KIAA1328: variants seen among roughly 807,000 people sequenced by gnomAD.
KIAA1328 encodes the protein KIAA1328, also known as protein hinderin.
A neutral mutation model predicts 68.1 loss-of-function variants in KIAA1328; 52 were observed. That is an observed-to-expected ratio of 0.76 (90% CI 0.61 to 0.96). KIAA1328 has a LOEUF of 0.96. Among genes scored for constraint, KIAA1328 ranks in the 40% least tolerant of loss-of-function variants. The pLI, the probability that KIAA1328 is intolerant of heterozygous loss-of-function variation, is 0.00. For missense variants in KIAA1328, 641 were observed against 677.6 expected (o/e 0.95, Z 0.60); for synonymous variants, 232 against 239.4 (o/e 0.97, Z 0.28).
At chr18:37,194,966 C>CT (rs2059976189) in intron 9 of KIAA1328, among the ~76,000 whole-genome samples, 1 of 152,092 alleles carries the variant, frequency 6.6e-6, no homozygotes, top group Non-Finnish European at 1.5e-5. Context: ...CCTATGGTTG[C>CT]TTTTTTATTG....
intron 8 of KIAA1328, among the ~76,000 whole-genome samples, 171 bp downstream of exon 8, chr18:37,160,552 C>T (rs2059256919): frequency 6.6e-6 from 1 of 152,162 alleles, no homozygotes; most frequent in African/African-American, 2.4e-5. Context: ...TGAATTGTGT[C>T]TGTGTTTTTC....
At chr18:36,905,406 C>T (rs1343139950) in intron 5 of KIAA1328, among the ~76,000 whole-genome samples, 1 of 152,038 alleles carries the variant, frequency 6.6e-6, no homozygotes, top group African/African-American at 2.4e-5. Context: ...CCCACCATGC[C>T]TGGCCTTGTA....
chr18:37,189,754 G>A (rs2059870373), intron 9 of KIAA1328, among the ~76,000 whole-genome samples: 2 of 152,110 alleles, frequency 1.3e-5, no homozygotes, highest in South Asian at 4.1e-4. Flanking sequence ...TCAAGAATCT[G>A]TTTGCTAATG....
intron 6 of KIAA1328, among the ~76,000 whole-genome samples, chr18:37,023,629 A>T (rs1396997830): frequency 1.3e-5 from 2 of 152,094 alleles, no homozygotes; most frequent in Admixed American, 6.6e-5. Context: ...TTTTTGTTTT[A>T]TTCACATCTG....
intron 6 of KIAA1328, among the ~76,000 whole-genome samples, chr18:37,038,857 T>A (rs1489636213): frequency 1.3e-5 from 2 of 152,200 alleles, no homozygotes; most frequent in East Asian, 1.9e-4. Context: ...GCAGGTTTTT[T>A]ATAGATTATC....
intron 5 of KIAA1328, among the ~76,000 whole-genome samples, chr18:36,937,199 A>G (rs2050533043): frequency 6.6e-6 from 1 of 152,214 alleles, no homozygotes; most frequent in African/African-American, 2.4e-5. Context: ...CACCCTATAC[A>G]AAAATTAACT....
chr18:37,103,029 T>C (rs958925582), intron 7 of KIAA1328, among the ~76,000 whole-genome samples: 2 of 152,098 alleles, frequency 1.3e-5, no homozygotes, highest in Non-Finnish European at 2.9e-5. Context: ...CTGAAAGAAA[T>C]TGAGAAGAAC....
intron 5 of KIAA1328, among the ~76,000 whole-genome samples, chr18:36,910,080 A>C (rs1201990926): frequency 6.6e-6 from 1 of 151,846 alleles, no homozygotes; most frequent in Admixed American, 6.6e-5. Flanking sequence ...TTGCCTGTTC[A>C]CTCTGATGGT....
intron 6 of KIAA1328, among the ~76,000 whole-genome samples, chr18:37,022,061 A>C: frequency 6.6e-6 from 1 of 151,426 alleles, no homozygotes; most frequent in East Asian, 2.0e-4. Flanking sequence ...AATTAATTAA[A>C]ATAAAATAAA....
At chr18:36,853,823 T>C (rs551685823) in intron 4 of KIAA1328, among the ~76,000 whole-genome samples, 5 of 151,952 alleles carry the variant, frequency 3.3e-5, no homozygotes, top group African/African-American at 4.8e-5. Context: ...GCCCAGCTAA[T>C]TTTTTTGTAT....
At chr18:36,840,800 TATCCTTAATTCATTAAGG>T (rs1388256213) in intron 3 of KIAA1328, among the ~76,000 whole-genome samples, 1 of 152,148 alleles carries the variant, frequency 6.6e-6, no homozygotes, top group African/African-American at 2.4e-5. Flanking sequence ...TGATGTTGAG[TATCCTTAATTCATTAAGG>T]ATTTCACAGT....
chr18:37,096,690 A>G (rs2057419245), intron 7 of KIAA1328, among the ~76,000 whole-genome samples: 1 of 152,224 alleles, frequency 6.6e-6, no homozygotes, highest in Non-Finnish European at 1.5e-5. Context: ...AGTCCCACCA[A>G]CAGTGTAAAA....
At chr18:37,097,507 C>T (rs533352083) in intron 7 of KIAA1328, among the ~76,000 whole-genome samples, 56 of 152,198 alleles carry the variant, frequency 3.7e-4, no homozygotes, top group Admixed American at 1.1e-3. Context: ...TCAGGCAGCA[C>T]GATGCCTCCA....
At chr18:37,010,943 A>G (rs2053958705) in intron 6 of KIAA1328, among the ~76,000 whole-genome samples, 1 of 152,200 alleles carries the variant, frequency 6.6e-6, no homozygotes, top group Admixed American at 6.5e-5. Context: ...CATGCTCTCA[A>G]GAAAGTGGTA....
chr18:37,122,631 A>G (rs1027344284), intron 7 of KIAA1328, among the ~76,000 whole-genome samples: 2 of 151,758 alleles, frequency 1.3e-5, no homozygotes, highest in Non-Finnish European at 2.9e-5. Flanking sequence ...ATAGGAGGGA[A>G]TGTGGAAAGG....
intron 7 of KIAA1328, among the ~76,000 whole-genome samples, chr18:37,115,145 T>C (rs763330707): frequency 2.4e-4 from 36 of 152,120 alleles, no homozygotes; most frequent in Non-Finnish European, 4.4e-4. Context: ...AAAGAGGGAA[T>C]CCTCCCTAAC....
At chr18:37,144,971 ATGCC>A (rs1365064710) in intron 7 of KIAA1328, among the ~76,000 whole-genome samples, 3 of 152,144 alleles carry the variant, frequency 2.0e-5, no homozygotes, top group African/African-American at 7.2e-5. Context: ...TTGGTGGCTC[ATGCC>A]TGTAATCTCA....
In KIAA1328 at chr18:36,829,191, G is replaced by A. The variant is rs896751335; in HGVS notation, c.53G>A (p.Arg18Gln). Residue 18 changes from arginine to glutamine, a missense_variant, in exon 1 of 10, where the codon CGG (arginine) becomes CAG (glutamine). Coordinates refer to ENST00000280020, the MANE Select transcript of KIAA1328 (RefSeq NM_020776.3). ...SRPSAAAFWS[R>Q]DFSDEEQSVV... ...CCCAGTGCCGCGGCGTTCTGGAGCCGGGACTGTATCCTTTGCCCGCCTGAC... is the reference window on the plus strand; with the variant it reads ...CCCAGTGCCGCGGCGTTCTGGAGCCAGGACTGTATCCTTTGCCCGCCTGAC... The A allele has an allele frequency of 6.5e-7, 1 of 1,530,314 alleles. No homozygotes were observed. The highest frequency in any genetic ancestry group is 8.8e-7 in the Non-Finnish European group (1 of 1,140,932). 94.8% of individuals were successfully genotyped at this position (1,530,314 alleles called of 1,614,324 possible).
chr18:36,967,169 G>A (rs1027158467), intron 6 of KIAA1328, among the ~76,000 whole-genome samples: 2 of 152,134 alleles, frequency 1.3e-5, no homozygotes, highest in Non-Finnish European at 2.9e-5. Flanking sequence ...GAAAAGCAGA[G>A]AGTTTTCTTT....
Sources: allele counts gnomAD v4.1 joint callset (sites outside exome capture counted in the v4.1 genomes callset), GRCh38; gene constraint gnomAD v4.1.1; transcripts MANE v1.5; gene names NCBI Gene and HGNC (gene_info 2026-07-23, HGNC 2026-07-21).